Variants in GABRG2 observed in about 807,000 individuals in gnomAD.
The protein encoded by GABRG2 is gamma-aminobutyric acid type A receptor subunit gamma2, also known as gamma-aminobutyric acid receptor subunit gamma-2.
Under a neutral mutation model 56.4 loss-of-function variants are expected in GABRG2, and 16 were observed. The ratio of observed to expected loss-of-function variants is 0.28; its 90% CI spans 0.19 to 0.43. GABRG2 has a LOEUF of 0.43. Among genes scored for constraint, GABRG2 ranks in the 20% least tolerant of loss-of-function variants. The probability of loss-of-function intolerance (pLI) is 1.00; values close to 1 mark genes in which losing one functional copy is unlikely to be tolerated. For missense variants in GABRG2, 327 were observed against 582.7 expected (o/e 0.56, Z 4.52); for synonymous variants, 208 against 205.5 (o/e 1.01, Z -0.10).
At chr5:162,111,996 A>C (rs995336250) in intron 6 of GABRG2, among the ~76,000 whole-genome samples, 2 of 152,128 alleles carry the variant, frequency 1.3e-5, no homozygotes, top group Non-Finnish European at 2.9e-5. Context: ...ATTTTTCATA[A>C]AAGTTATTTA....
chr5:162,128,194 C>T (rs1763475313), intron 6 of GABRG2: 1 of 151,996 alleles, frequency 6.6e-6, no homozygotes, highest in Non-Finnish European at 1.5e-5. Context: ...TGGCTGCACG[C>T]CAAGCCAAAC....
chr5:162,091,730 C>T (rs1760607987), intron 1 of GABRG2, among the ~76,000 whole-genome samples: 1 of 152,052 alleles, frequency 6.6e-6, no homozygotes, highest in African/African-American at 2.4e-5. Context: ...TATCTTTTCA[C>T]TTTATGTATT....
At chr5:162,103,773 T>C in intron 5 of GABRG2, 116 bp from the exon 6 acceptor site, 1 of 1,172,654 alleles carries the variant, frequency 8.5e-7, no homozygotes, top group South Asian at 1.3e-5. Flanking sequence ...AAGATCCTCA[T>C]TTAGCTTGTA....
chr5:162,112,905 T>C (rs1269467725), intron 6 of GABRG2, among the ~76,000 whole-genome samples: 1 of 152,154 alleles, frequency 6.6e-6, no homozygotes, highest in Non-Finnish European at 1.5e-5. Flanking sequence ...ATGTTAAACA[T>C]GGTTTACAAT....
chr5:162,107,219 A>G (rs1309868327), intron 6 of GABRG2, among the ~76,000 whole-genome samples: 1 of 152,180 alleles, frequency 6.6e-6, no homozygotes, highest in African/African-American at 2.4e-5. Context: ...TCCTTGATAC[A>G]TGGTTTTTTA....
rs140594685 is a variant in GABRG2, at chr5:162,093,366, G to A, written c.108-462G>A. 3.4e-3 allele frequency among the ~76,000 whole-genome samples: 515 copies of A among 152,172 alleles called. 5 individuals carry two copies. Among genetic ancestry groups the A allele is most frequent in the African/African-American group, 0.012 (491 of 41,510 alleles). On this transcript the variant is annotated intron_variant, in intron 1 of 9. Coordinates refer to ENST00000639213, the MANE Select transcript of GABRG2 (RefSeq NM_198904.4). ...CAAGTTAGCGGGGAGAGGCATGTCT[G>A]GCAGTTTGTGGGAGGGAATCTAATT...
intron 1 of GABRG2, among the ~76,000 whole-genome samples, chr5:162,079,075 A>G (rs553662671): frequency 6.6e-6 from 1 of 152,000 alleles, no homozygotes; most frequent in Non-Finnish European, 1.5e-5. Flanking sequence ...AAACAAAAAT[A>G]TGTGAGTACT....
intron 2 of GABRG2, 64 bp from the exon 3 acceptor site, chr5:162,095,431 A>G: frequency 1.0e-6 from 1 of 995,758 alleles, no homozygotes; most frequent in Non-Finnish European, 1.6e-6. Context: ...CTAGAAAACA[A>G]AGATTAAAAC....
At chr5:162,083,338 A>G (rs185076381) in intron 1 of GABRG2, among the ~76,000 whole-genome samples, 3 of 151,960 alleles carry the variant, frequency 2.0e-5, no homozygotes, top group Admixed American at 2.0e-4. Flanking sequence ...AGACAGTTTA[A>G]TCTTTTGTTC....
At chr5:162,120,422 T>C (rs1762905999) in intron 6 of GABRG2, among the ~76,000 whole-genome samples, 1 of 152,154 alleles carries the variant, frequency 6.6e-6, no homozygotes, top group Non-Finnish European at 1.5e-5. Context: ...TACTCTAGCA[T>C]TGAAGTTTCA....
At chr5:162,143,409 A>T (rs1235965941) in intron 7 of GABRG2, among the ~76,000 whole-genome samples, 1 of 152,214 alleles carries the variant, frequency 6.6e-6, no homozygotes, top group Non-Finnish European at 1.5e-5. Flanking sequence ...AATCTAATAT[A>T]TATGGTGATC....
intron 6 of GABRG2, among the ~76,000 whole-genome samples, chr5:162,137,298 A>G (rs2113570342): frequency 6.6e-6 from 1 of 152,302 alleles, no homozygotes; most frequent in East Asian, 1.9e-4. Context: ...TTAAAATAAA[A>G]TATGTTTTTT....
chr5:162,125,259 G>A (rs1042446538), intron 6 of GABRG2, among the ~76,000 whole-genome samples: 3 of 151,366 alleles, frequency 2.0e-5, no homozygotes, highest in Non-Finnish European at 4.4e-5. Flanking sequence ...GAATCATTGA[G>A]CAAACTCTGT....
chr5:162,153,352 C>T lies in GABRG2; in HGVS notation c.1412C>T (p.Ser471Phe). 6.2e-7 allele frequency: 1 copy of T among 1,613,938 alleles called. No individual in the cohort carries two copies. The highest frequency in any genetic ancestry group is 8.5e-7 in the Non-Finnish European group (1 of 1,179,870). Residue 471 changes from serine (S) to phenylalanine (F), a missense_variant, in exon 10 of 10, where the codon TCC becomes TTC. Ser to Phe is a radical substitution (Grantham distance 155). Coordinates refer to ENST00000639213, the MANE Select transcript of GABRG2 (RefSeq NM_198904.4). ...CTGTTTAATCTGGTCTATTGGGTCT[C>T]CTACCTCTACCTGTGAGGAGGTATG... is the stretch of plus-strand genomic sequence containing the variant. ...FCLFNLVYWV[S>F]YLYL
At chr5:162,129,240 A>G (rs1763549174) in intron 6 of GABRG2, 1 of 151,986 alleles carries the variant, frequency 6.6e-6, no homozygotes, top group Admixed American at 6.6e-5. Flanking sequence ...GCTACATGAA[A>G]TCTTGGTGAA....
At chr5:162,123,055 C>T (rs1348175235) in intron 6 of GABRG2, among the ~76,000 whole-genome samples, 1 of 151,570 alleles carries the variant, frequency 6.6e-6, no homozygotes, top group African/African-American at 2.4e-5. Flanking sequence ...ATGAAAACAG[C>T]TTAGAATATA....
intron 7 of GABRG2, among the ~76,000 whole-genome samples, chr5:162,144,854 G>C (rs1291469804): frequency 1.3e-5 from 2 of 152,062 alleles, no homozygotes; most frequent in Non-Finnish European, 2.9e-5. Context: ...AAATTTAATT[G>C]AACATTTAAG....
intron 1 of GABRG2, among the ~76,000 whole-genome samples, chr5:162,070,702 T>G (rs1222224481): frequency 1.3e-5 from 2 of 151,962 alleles, no homozygotes; most frequent in Non-Finnish European, 2.9e-5. Flanking sequence ...ATAAGTGAAA[T>G]AGTTAATTTC....
chr5:162,080,890 T>G (rs1186478642), intron 1 of GABRG2, among the ~76,000 whole-genome samples: 3 of 152,192 alleles, frequency 2.0e-5, no homozygotes, highest in South Asian at 2.1e-4. Context: ...TGTAATGAAA[T>G]AATTGCATTA....
Sources: gnomAD v4.1 joint callset for allele counts (sites outside exome capture counted in the v4.1 genomes callset) on GRCh38, gnomAD v4.1.1 for gene constraint, MANE v1.5 for transcripts, NCBI Gene and HGNC (gene_info 2026-07-23, HGNC 2026-07-21) for gene names.